BICD1: variants seen among roughly 807,000 people sequenced by gnomAD.
The protein encoded by BICD1 is BICD cargo adaptor 1.
A neutral mutation model predicts 92.5 loss-of-function variants in BICD1; 35 were observed. That is an observed-to-expected ratio of 0.38 (90% CI 0.29 to 0.50). The LOEUF (loss-of-function observed/expected upper bound fraction) is 0.50. Ranked by LOEUF, BICD1 falls within the 20% of genes least tolerant of loss-of-function variation. BICD1 has a pLI of 0.93. For missense variants in BICD1, 950 were observed against 1,189.8 expected (o/e 0.80, Z 2.97); for synonymous variants, 429 against 465.1 (o/e 0.92, Z 1.00).
At chr12:32,258,311 T>G (rs1220679675) in intron 2 of BICD1, among the ~76,000 whole-genome samples, 2 of 152,226 alleles carry the variant, frequency 1.3e-5, no homozygotes, top group Non-Finnish European at 2.9e-5. Context: ...TATAGTGATA[T>G]TGTACTATGG....
chr12:32,186,665 T>C (rs1162468081), intron 1 of BICD1, among the ~76,000 whole-genome samples: 1 of 152,240 alleles, frequency 6.6e-6, no homozygotes, highest in East Asian at 1.9e-4. Flanking sequence ...AATGGTGGAA[T>C]GGACATTTTT....
At chr12:32,286,157 A>C (rs139612506) in intron 2 of BICD1, among the ~76,000 whole-genome samples, 2 of 152,246 alleles carry the variant, frequency 1.3e-5, no homozygotes, top group African/African-American at 4.8e-5. Flanking sequence ...TGTGGTCTTA[A>C]ATTTTCTTGA....
At chr12:32,301,349 T>C (rs1948038365) in intron 3 of BICD1, among the ~76,000 whole-genome samples, 2 of 152,152 alleles carry the variant, frequency 1.3e-5, no homozygotes, top group Admixed American at 6.5e-5. Flanking sequence ...AAAGGAAAGG[T>C]GACTGGATGC....
At chr12:32,267,008 C>T (rs982214695) in intron 2 of BICD1, among the ~76,000 whole-genome samples, 3 of 152,232 alleles carry the variant, frequency 2.0e-5, no homozygotes, top group African/African-American at 7.2e-5. Context: ...TACTGACAGT[C>T]CCCATTACGC....
chr12:32,207,103 A>C (rs1456257548), intron 1 of BICD1, among the ~76,000 whole-genome samples: 2 of 152,228 alleles, frequency 1.3e-5, no homozygotes, highest in Admixed American at 6.5e-5. Flanking sequence ...AGGACCAAGG[A>C]GGACAGACAG....
At chr12:32,182,878 T>TTTTC (rs1330358078) in intron 1 of BICD1, among the ~76,000 whole-genome samples, 2 of 128,682 alleles carry the variant, frequency 1.6e-5, no homozygotes, top group African/African-American at 5.8e-5. Flanking sequence ...TTTTCTTTTC[T>TTTTC]TTTCTTTCTT....
intron 3 of BICD1, among the ~76,000 whole-genome samples, chr12:32,302,339 C>A (rs11051915): frequency 0.17 from 25,592 of 152,090 alleles, 2,759 homozygotes; most frequent in African/African-American, 0.3. Flanking sequence ...TATGGGCACC[C>A]CTTGTGATCT....
At chr12:32,289,300 C>T (rs2650137) in intron 2 of BICD1, among the ~76,000 whole-genome samples, 96,615 of 152,106 alleles carry the variant, frequency 0.64, 31,396 homozygotes, top group Middle Eastern at 0.78. Flanking sequence ...GGGGTCATTG[C>T]TAACTTTTTT....
intron 2 of BICD1, among the ~76,000 whole-genome samples, chr12:32,257,004 A>G (rs977265481): frequency 3.3e-5 from 5 of 152,078 alleles, no homozygotes; most frequent in African/African-American, 1.2e-4. Flanking sequence ...CACAAGTTCA[A>G]GAGATCAAGA....
intron 4 of BICD1, 86 bp from the exon 5 acceptor site, chr12:32,327,375 G>C: frequency 6.9e-7 from 1 of 1,453,928 alleles, no homozygotes; most frequent in Non-Finnish European, 9.2e-7. Context: ...GTGATTTTAA[G>C]TGTATACATG....
intron 1 of BICD1, among the ~76,000 whole-genome samples, chr12:32,166,138 A>ATTTATTTTTTT (rs71068303): frequency 9.7e-5 from 14 of 144,048 alleles, no homozygotes; most frequent in South Asian, 6.8e-4. Context: ...TTATTTATTT[A>ATTTATTTTTTT]TTTATTTATT....
chr12:32,109,604 G>A (rs1265734150), intron 1 of BICD1: 4 of 151,524 alleles, frequency 2.6e-5, no homozygotes, highest in African/African-American at 7.3e-5. Context: ...TTTACTAAAC[G>A]ATTCTTGTTC....
At chr12:32,121,980 A>AT (rs1268290012) in intron 1 of BICD1, among the ~76,000 whole-genome samples, 3 of 151,692 alleles carry the variant, frequency 2.0e-5, no homozygotes, top group Non-Finnish European at 2.9e-5. Flanking sequence ...CACCCAGCTA[A>AT]TTTTTTTGTA....
intron 1 of BICD1, among the ~76,000 whole-genome samples, chr12:32,167,418 A>C (rs1281090193): frequency 6.6e-6 from 1 of 152,132 alleles, no homozygotes; most frequent in African/African-American, 2.4e-5. Flanking sequence ...TTTTTCTATG[A>C]GCACATAGCA....
At chr12:32,137,887 TCC>T (rs1942784340) in intron 1 of BICD1, among the ~76,000 whole-genome samples, 3 of 152,036 alleles carry the variant, frequency 2.0e-5, no homozygotes, top group Admixed American at 2.0e-4. Flanking sequence ...AACCTCCGCC[TCC>T]CAGGTTCAAG....
At chr12:32,250,518 C>G (rs1946497936) in intron 2 of BICD1, among the ~76,000 whole-genome samples, 1 of 152,158 alleles carries the variant, frequency 6.6e-6, no homozygotes, top group East Asian at 1.9e-4. Context: ...AGTGATGGGA[C>G]AGTGGTGGCA....
chr12:32,214,587 T>A (rs1945300637), intron 1 of BICD1, among the ~76,000 whole-genome samples: 1 of 152,212 alleles, frequency 6.6e-6, no homozygotes, highest in Admixed American at 6.5e-5. Flanking sequence ...CTACAATATA[T>A]TTACTTATTT....
At chr12:32,117,324 T>C (rs948484663) in intron 1 of BICD1, among the ~76,000 whole-genome samples, 2 of 152,182 alleles carry the variant, frequency 1.3e-5, no homozygotes, top group African/African-American at 4.8e-5. Flanking sequence ...TTGATAAGTT[T>C]ATGTTTTTTA....
intron 2 of BICD1, among the ~76,000 whole-genome samples, chr12:32,242,764 A>T (rs1003082678): frequency 1.7e-4 from 26 of 152,224 alleles, no homozygotes; most frequent in African/African-American, 6.3e-4. Flanking sequence ...AAATCTACTG[A>T]TCGTTTCTTA....
Sources: gnomAD v4.1 joint callset for allele counts (sites outside exome capture counted in the v4.1 genomes callset) on GRCh38, gnomAD v4.1.1 for gene constraint, MANE v1.5 for transcripts, NCBI Gene and HGNC (gene_info 2026-07-23, HGNC 2026-07-21) for gene names.